Variants in ATP10B observed in about 807,000 individuals in gnomAD.
The protein encoded by ATP10B is phospholipid-transporting ATPase VB.
Under a neutral mutation model 141.2 loss-of-function variants are expected in ATP10B, and 122 were observed. The ratio of observed to expected loss-of-function variants is 0.86; its 90% CI spans 0.75 to 1.00. The LOEUF (loss-of-function observed/expected upper bound fraction) is 1.00, where lower values mean the gene tolerates loss of function less well. Ranked by LOEUF, ATP10B falls within the 50% of genes least tolerant of loss-of-function variation. The pLI is 0.00. For synonymous variants in ATP10B, 685 were observed against 692.0 expected (o/e 0.99, Z 0.16); for missense variants, 1,876 against 1,825.3 (o/e 1.03, Z -0.51).
the ATP10B span, among the ~76,000 whole-genome samples, chr5:160,889,817 C>G: frequency 6.6e-6 from 1 of 152,152 alleles, no homozygotes. Flanking sequence ...GCTGCCTTTC[C>G]TGGCAGCCTC....
the ATP10B span, among the ~76,000 whole-genome samples, chr5:160,861,000 C>T: frequency 6.6e-6 from 1 of 151,920 alleles, no homozygotes. Flanking sequence ...TCTGTAGCAA[C>T]TCAGTTTTTA....
At position 160,656,091 on chromosome 5, in the gene ATP10B, C is replaced by T. The variant is rs144627821; in HGVS notation, c.676-6835G>A. 3.1e-4 allele frequency among the ~76,000 whole-genome samples: 47 copies of T among 152,310 alleles called. No homozygotes were observed. The East Asian group carries it at 9.1e-3, about 29-fold the overall frequency. ...TCCCTTGCGCTTGCCTCAAGTTTTA[C>T]TTTTCTAGGCTTATTTCCTTTAAGT... On this transcript the variant is annotated intron_variant, in intron 7 of 25. Coordinates refer to ENST00000327245, the MANE Select transcript of ATP10B (RefSeq NM_025153.3).
chr5:160,720,369 A>G (rs372110228), intron 2 of ATP10B, among the ~76,000 whole-genome samples: 80 of 152,364 alleles, frequency 5.3e-4, no homozygotes, highest in African/African-American at 1.9e-3. Flanking sequence ...AGAGGCTTTA[A>G]AAACTAAGTG....
intron 1 of ATP10B, among the ~76,000 whole-genome samples, chr5:160,822,279 T>C (rs1051642083): frequency 6.6e-6 from 1 of 152,112 alleles, no homozygotes; most frequent in African/African-American, 2.4e-5. Flanking sequence ...ACATCACTGA[T>C]AATCAGGGAA....
At chr5:160,716,375 T>TG (rs1250147658) in intron 3 of ATP10B, among the ~76,000 whole-genome samples, 2 of 152,166 alleles carry the variant, frequency 1.3e-5, no homozygotes, top group Non-Finnish European at 2.9e-5. Flanking sequence ...AACCCTGTGA[T>TG]GGGGGGTACT....
intron 2 of ATP10B, among the ~76,000 whole-genome samples, chr5:160,770,066 T>C (rs1769770552): frequency 1.3e-5 from 2 of 152,180 alleles, no homozygotes; most frequent in South Asian, 2.1e-4. Context: ...TAAAAGTTTA[T>C]AATCACTTAA....
chr5:160,752,043 A>C (rs577709445), intron 2 of ATP10B, among the ~76,000 whole-genome samples: 2 of 152,128 alleles, frequency 1.3e-5, no homozygotes, highest in African/African-American at 4.8e-5. Flanking sequence ...GGCATTTTTG[A>C]CTCTAAGTAG....
At chr5:160,671,863 C>T (rs747822155) in intron 6 of ATP10B, among the ~76,000 whole-genome samples, 37 of 151,986 alleles carry the variant, frequency 2.4e-4, no homozygotes, top group Middle Eastern at 3.4e-3. Flanking sequence ...GGGTCCAGCC[C>T]GACACCAAAA....
chr5:160,907,519 C>T, the ATP10B span, among the ~76,000 whole-genome samples: 4 of 151,900 alleles, frequency 2.6e-5, no homozygotes, highest in Admixed American at 2.0e-4. Flanking sequence ...GTGACTGCGC[C>T]CAGCTAATCT....
intron 1 of ATP10B, among the ~76,000 whole-genome samples, chr5:160,827,946 T>C (rs185008506): frequency 6.6e-5 from 10 of 152,298 alleles, no homozygotes; most frequent in Admixed American, 6.5e-4. Context: ...TCCATTGATC[T>C]ATATCTCTGT....
intron 1 of ATP10B, among the ~76,000 whole-genome samples, chr5:160,804,436 G>A (rs1772630781): frequency 6.6e-6 from 1 of 152,168 alleles, no homozygotes; most frequent in South Asian, 2.1e-4. Flanking sequence ...CTATGTGTCA[G>A]CTCCTGTGCT....
intron 3 of ATP10B, among the ~76,000 whole-genome samples, chr5:160,708,439 C>T (rs1295122715): frequency 6.6e-6 from 1 of 152,094 alleles, no homozygotes; most frequent in Non-Finnish European, 1.5e-5. Context: ...GAGTTGTACA[C>T]GTGAGGATTT....
the ATP10B span, among the ~76,000 whole-genome samples, chr5:160,906,842 G>C: frequency 6.6e-6 from 1 of 152,210 alleles, no homozygotes; most frequent in Non-Finnish European, 1.5e-5. Flanking sequence ...AGAGAGGAAA[G>C]ACAGAAAGCA....
At chr5:160,567,246 G>A (rs777985115) in intron 25 of ATP10B, among the ~76,000 whole-genome samples, 17 of 152,122 alleles carry the variant, frequency 1.1e-4, no homozygotes, top group Non-Finnish European at 2.2e-4. Flanking sequence ...TTGCTGTCAC[G>A]TAACATGTGA....
At chr5:160,581,451 G>T (rs1164840173) in intron 24 of ATP10B, among the ~76,000 whole-genome samples, 2 of 152,164 alleles carry the variant, frequency 1.3e-5, no homozygotes, top group African/African-American at 2.4e-5. Flanking sequence ...CCATGTAGTT[G>T]TTCAGTTTCA....
chr5:160,606,008 G>T (rs1757366921), intron 19 of ATP10B, among the ~76,000 whole-genome samples: 1 of 152,236 alleles, frequency 6.6e-6, no homozygotes, highest in African/African-American at 2.4e-5. Context: ...AGGCCCAGAA[G>T]TGAGAGAGGA....
At chr5:160,923,042 C>T in the ATP10B span, among the ~76,000 whole-genome samples, 1 of 152,224 alleles carries the variant, frequency 6.6e-6, no homozygotes, top group Non-Finnish European at 1.5e-5. Context: ...AGTTTACACT[C>T]ATCGATGAAG....
At chr5:160,867,209 T>TAC in the ATP10B span, among the ~76,000 whole-genome samples, 197 of 151,420 alleles carry the variant, frequency 1.3e-3, no homozygotes, top group Non-Finnish European at 1.3e-3. Context: ...TGCATATATA[T>TAC]ATATATGGAT....
intron 3 of ATP10B, among the ~76,000 whole-genome samples, chr5:160,699,538 C>T (rs970494561): frequency 3.3e-4 from 51 of 152,286 alleles, no homozygotes; most frequent in African/African-American, 1.2e-3. Context: ...GAGGTGGGGG[C>T]AGGCATGGAG....
Sources: allele counts gnomAD v4.1 joint callset (sites outside exome capture counted in the v4.1 genomes callset), GRCh38; gene constraint gnomAD v4.1.1; transcripts MANE v1.5; gene names NCBI Gene and HGNC (gene_info 2026-07-23, HGNC 2026-07-21).